Variants in ZFAND2A observed in about 807,000 individuals in gnomAD.
ZFAND2A encodes zinc finger AN1-type containing 2A, also known as AN1-type zinc finger protein 2A.
ZFAND2A carries 20 observed loss-of-function variants against 11.6 expected under a neutral mutation model. The observed-to-expected ratio is 1.72, with a 90% CI of 1.21 to 2.50. ZFAND2A has a LOEUF of 2.50. Among genes scored for constraint, ZFAND2A ranks in the 30% most tolerant of loss-of-function variants. The probability of loss-of-function intolerance (pLI) is 0.00; values close to 1 mark genes in which losing one functional copy is unlikely to be tolerated. For missense variants in ZFAND2A, 234 were observed against 182.9 expected (o/e 1.28, Z -1.61); for synonymous variants, 93 against 60.6 (o/e 1.54, Z -2.48).
At chr7:1,159,464 G>A (rs1426482325) in intron 1 of ZFAND2A, among the ~76,000 whole-genome samples, 5 of 149,908 alleles carry the variant, frequency 3.3e-5, no homozygotes, top group African/African-American at 9.9e-5. Flanking sequence ...ACTCCCAGCA[G>A]ACAGGCCGGA....
downstream of ZFAND2A, among the ~76,000 whole-genome samples, chr7:1,149,455 C>CA (rs1178784059): frequency 1.3e-5 from 2 of 152,200 alleles, no homozygotes; most frequent in Non-Finnish European, 2.9e-5. Context: ...GGGTGGGGTC[C>CA]AGCACCCTCC....
At chr7:1,152,446 A>T (rs900784762), downstream of ZFAND2A, 3 of 1,377,674 alleles carry the variant, frequency 2.2e-6, no homozygotes, top group Non-Finnish European at 2.9e-6. Context: ...TGGCCCAGGG[A>T]TGGACGCCAG....
At chr7:1,152,596 A>C (rs1040972039), downstream of ZFAND2A, among the ~76,000 whole-genome samples, 10 of 152,192 alleles carry the variant, frequency 6.6e-5, no homozygotes, top group African/African-American at 2.2e-4. Context: ...TTCTGTGGAC[A>C]CAGGGTCTTT....
At chr7:1,152,903 A>C, downstream of ZFAND2A, 1 of 1,048,918 alleles carries the variant, frequency 9.5e-7, no homozygotes, top group Non-Finnish European at 1.4e-6. Context: ...GAGAACAACT[A>C]GAATCAACTT....
chr7:1,157,790 A>G (rs1793567097), intron 2 of ZFAND2A, 40 bp from the exon 3 acceptor site: 3 of 1,432,430 alleles, frequency 2.1e-6, no homozygotes, highest in South Asian at 1.3e-5. Flanking sequence ...AACGACTGGA[A>G]CAAAATACTT....
At chr7:1,156,053 G>A (rs974322175) in intron 3 of ZFAND2A, among the ~76,000 whole-genome samples, 1 of 152,272 alleles carries the variant, frequency 6.6e-6, no homozygotes, top group African/African-American at 2.4e-5. Context: ...TGAGCTCCCA[G>A]GTACTAACGA....
chr7:1,157,491 G>A, intron 3 of ZFAND2A, 165 bp downstream of exon 3: 1 of 627,024 alleles, frequency 1.6e-6, no homozygotes, highest in Admixed American at 3.0e-5. Flanking sequence ...CCTCTGTACT[G>A]CCTAACAGCA....
Position 1,153,057 on chromosome 7 carries a change from C to T in ZFAND2A, c.*12G>A, listed in dbSNP as rs200842466. 164 of 1,614,112 alleles carry T rather than the reference C, an allele frequency of 1.0e-4. No individual in the cohort carries two copies. Among genetic ancestry groups the T allele is most frequent in the African/African-American group, 8.8e-4 (66 of 75,034 alleles). ...TACTGCGTGCTCCGAGCCATCGCAG[C>T]GGAGTCTCTTCTCACCCAGCTTTGA... On this transcript the variant is annotated 3_prime_UTR_variant, in exon 5 of 5. Coordinates refer to ENST00000316495, the MANE Select transcript of ZFAND2A (RefSeq NM_182491.4).
At chr7:1,158,375 G>A (rs1793583050) in intron 1 of ZFAND2A, 118 bp from the exon 2 acceptor site, 2 of 653,038 alleles carry the variant, frequency 3.1e-6, no homozygotes, top group Admixed American at 5.4e-5. Flanking sequence ...AGCATTCCAT[G>A]GAGTTTTAGT....
At chr7:1,158,595 A>G (rs1440876281) in intron 1 of ZFAND2A, among the ~76,000 whole-genome samples, 1 of 152,238 alleles carries the variant, frequency 6.6e-6, no homozygotes, top group Non-Finnish European at 1.5e-5. Flanking sequence ...CATGGAATAT[A>G]CTTGTTCACA....
intron 4 of ZFAND2A, among the ~76,000 whole-genome samples, chr7:1,154,628 G>C (rs1010677533): frequency 6.6e-6 from 1 of 152,242 alleles, no homozygotes; most frequent in African/African-American, 2.4e-5. Flanking sequence ...GGGGACCAGA[G>C]CAAGCTTCCG....
intron 1 of ZFAND2A, 41 bp from the exon 2 acceptor site, chr7:1,158,298 C>A: frequency 1.6e-6 from 2 of 1,221,248 alleles, no homozygotes; most frequent in Non-Finnish European, 2.4e-6. Flanking sequence ...AGCTGGACTG[C>A]CCTTCAGTCA....
In ZFAND2A at chr7:1,155,557, A is replaced by G. The variant is rs1793505367; in HGVS notation, c.178T>C (p.Cys60Arg). 6.2e-7 allele frequency: 1 copy of G among 1,613,796 alleles called. No homozygotes were observed. Residue 60 changes from cysteine (C) to arginine (R), a missense_variant, in exon 4 of 5, where the codon TGT becomes CGT. Transcript: ENST00000316495. Reference protein sequence around the residue: ...KDVHVPVCPLCNTPIPVKKGQ... With the variant: ...KDVHVPVCPLRNTPIPVKKGQ... ...TTTTTTACTGGGATGGGGGTATTACAGAGTGGGCATACTGGGACGTGAACA... is the reference window on the plus strand; with the variant it reads ...TTTTTTACTGGGATGGGGGTATTACGGAGTGGGCATACTGGGACGTGAACA...
At chr7:1,152,793 C>T (rs1052416797), downstream of ZFAND2A, 12 of 556,414 alleles carry the variant, frequency 2.2e-5, no homozygotes, top group Non-Finnish European at 3.9e-5. Flanking sequence ...CTGCCGACAT[C>T]CTGCGCCTGG....
chr7:1,155,994 C>T (rs115699230), intron 3 of ZFAND2A, among the ~76,000 whole-genome samples: 1,586 of 152,350 alleles, frequency 0.01, 30 homozygotes, highest in African/African-American at 0.037. Flanking sequence ...GTGGCTTCTA[C>T]GTACACAGAG....
At chr7:1,151,533 G>A (rs181997738), downstream of ZFAND2A, among the ~76,000 whole-genome samples, 8 of 152,126 alleles carry the variant, frequency 5.3e-5, no homozygotes, top group African/African-American at 1.2e-4. Context: ...GAGCCACTAC[G>A]CCCGGCCTAG....
intron 1 of ZFAND2A, among the ~76,000 whole-genome samples, chr7:1,158,756 G>T (rs999206694): frequency 5.9e-5 from 9 of 152,216 alleles, no homozygotes; most frequent in African/African-American, 1.7e-4. Context: ...ACCTGGAGTT[G>T]ATCAGGGAGA....
downstream of ZFAND2A, among the ~76,000 whole-genome samples, chr7:1,150,882 T>G (rs1453455430): frequency 1.4e-5 from 2 of 145,154 alleles, no homozygotes; most frequent in African/African-American, 5.1e-5. Flanking sequence ...TGCTGACAAC[T>G]GTGCCTTTTT....
chr7:1,158,220 A>G lies in ZFAND2A; in HGVS notation c.-8T>C. ...CAAATCAGGAAACTCCATTATGAGA[A>G]CAGTGCTCAAAACGCAGATGGCGGA... On this transcript the variant is annotated 5_prime_UTR_variant, in exon 2 of 5. Coordinates refer to ENST00000316495, the MANE Select transcript of ZFAND2A (RefSeq NM_182491.4). 1 of 1,613,962 alleles carries G rather than the reference A, an allele frequency of 6.2e-7. No homozygotes were observed. Among genetic ancestry groups the G allele is most frequent in the Non-Finnish European group, 8.5e-7 (1 of 1,179,950 alleles).
Sources: gnomAD v4.1 joint callset for allele counts (sites outside exome capture counted in the v4.1 genomes callset) on GRCh38, gnomAD v4.1.1 for gene constraint, MANE v1.5 for transcripts, NCBI Gene and HGNC (gene_info 2026-07-23, HGNC 2026-07-21) for gene names.